The following NRG3 variants were observed in gnomAD, a reference collection of about 807,000 sequenced individuals.
The protein encoded by NRG3 is neuregulin 3.
A neutral mutation model predicts 66.9 loss-of-function variants in NRG3; 31 were observed. That is an observed-to-expected ratio of 0.46 (90% CI 0.35 to 0.63). NRG3 has a LOEUF of 0.63. Ranked by LOEUF, NRG3 falls within the 20% of genes least tolerant of loss-of-function variation. NRG3 has a pLI of 0.00. For missense variants in NRG3, 910 were observed against 878.9 expected (o/e 1.04, Z -0.45); for synonymous variants, 393 against 359.4 (o/e 1.09, Z -1.06).
intron 1 of NRG3, among the ~76,000 whole-genome samples, chr10:81,949,244 C>G (rs1849114745): frequency 6.6e-6 from 1 of 152,070 alleles, no homozygotes; most frequent in Non-Finnish European, 1.5e-5. Flanking sequence ...ACCCAAGGCC[C>G]TCAGGTAAAC....
At position 81,978,912 on chromosome 10, in the gene NRG3, C is replaced by T. The variant is rs907776993; in HGVS notation, c.823+102749C>T. 6.6e-5 allele frequency among the ~76,000 whole-genome samples: 10 copies of T among 152,026 alleles called. No homozygotes were observed. In the South Asian group the frequency reaches 1.0e-3, roughly 16 times the overall value. Reference sequence around the variant, plus strand: ...AATGTATTTTTAAAAATTTCCTGGCCGGGCGTGGTGGCTCATGCCTGTAAT... The same window carrying T: ...AATGTATTTTTAAAAATTTCCTGGCTGGGCGTGGTGGCTCATGCCTGTAAT... On this transcript the variant is annotated intron_variant, in intron 1 of 8. Coordinates refer to ENST00000372141, the MANE Select transcript of NRG3 (RefSeq NM_001010848.4).
At chr10:82,846,918 A>C (rs994179209) in intron 3 of NRG3, among the ~76,000 whole-genome samples, 30 of 152,202 alleles carry the variant, frequency 2.0e-4, no homozygotes, top group Non-Finnish European at 2.2e-4. Context: ...GTTCAGCTGC[A>C]AGAGCCAGAA....
chr10:81,915,106 A>T (rs2132799037), intron 1 of NRG3, among the ~76,000 whole-genome samples: 1 of 152,294 alleles, frequency 6.6e-6, no homozygotes, highest in African/African-American at 2.4e-5. Context: ...TCATTAAGGG[A>T]CTATTCTCTT....
At chr10:82,037,422 T>C (rs1468000881) in intron 1 of NRG3, among the ~76,000 whole-genome samples, 1 of 152,166 alleles carries the variant, frequency 6.6e-6, no homozygotes, top group African/African-American at 2.4e-5. Flanking sequence ...AACTGCATTG[T>C]CTCTGGTGTA....
rs1457438642 is a variant in NRG3, at chr10:82,037,092, G to A, written c.823+160929G>A. 3.3e-5 allele frequency among the ~76,000 whole-genome samples: 5 copies of A among 152,244 alleles called. No homozygotes were observed. The East Asian group carries it at 9.7e-4, about 30-fold the overall frequency. ...AAGATGACAGTGCCCCTCTGAGTCA[G>A]GCAGGGTATATTTTAAGTCACAGTT... On this transcript the variant is annotated intron_variant, in intron 1 of 8. Transcript: ENST00000372141.
chr10:82,835,259 T>C (rs988522508), intron 3 of NRG3, among the ~76,000 whole-genome samples: 2 of 152,152 alleles, frequency 1.3e-5, no homozygotes, highest in African/African-American at 4.8e-5. Flanking sequence ...GCTTTTATAA[T>C]GGCCACACTC....
At chr10:82,066,629 A>G (rs2064485603) in intron 1 of NRG3, among the ~76,000 whole-genome samples, 1 of 152,158 alleles carries the variant, frequency 6.6e-6, no homozygotes, top group African/African-American at 2.4e-5. Context: ...AAAATTCTAT[A>G]AGATCCATGT....
Position 82,985,429 on chromosome 10 carries a change from C to T in NRG3, c.1915C>T (p.Arg639Ter), listed in dbSNP as rs202021683. Residue 639 changes from arginine to a stop codon, truncating the protein, a stop_gained, in exon 9 of 9, where the codon CGA (arginine) becomes TGA (stop). Transcript: ENST00000372141. LOFTEE classifies it high-confidence loss of function. Reference protein sequence around the residue: ...ILLETVQEQIRILTDARRSED... With the variant: ...ILLETVQEQI ...GCTAGAAACTGTCCAGGAGCAGATC[C>T]GAATTCTGACTGATGCCAGACGGTC... is the stretch of plus-strand genomic sequence containing the variant. 15 of 1,613,962 alleles carry T rather than the reference C, an allele frequency of 9.3e-6. No individual in the cohort carries two copies. Among genetic ancestry groups the T allele is most frequent in the South Asian group, 6.6e-5 (6 of 91,072 alleles).
intron 3 of NRG3, among the ~76,000 whole-genome samples, chr10:82,839,703 A>G (rs1591682699): frequency 6.6e-6 from 1 of 151,888 alleles, no homozygotes; most frequent in Non-Finnish European, 1.5e-5. Flanking sequence ...TGATTATTTT[A>G]AAATGTAACG....
At chr10:82,347,370 A>C (rs1177731934) in intron 1 of NRG3, among the ~76,000 whole-genome samples, 1 of 151,920 alleles carries the variant, frequency 6.6e-6, no homozygotes, top group African/African-American at 2.4e-5. Context: ...CATGAAGTTG[A>C]GTGGTTTTGA....
chr10:82,108,705 A>G (rs913110162), intron 1 of NRG3, among the ~76,000 whole-genome samples: 1 of 152,210 alleles, frequency 6.6e-6, no homozygotes, highest in Non-Finnish European at 1.5e-5. Context: ...CAGTAGTAGT[A>G]TTAGCAGCAA....
intron 1 of NRG3, among the ~76,000 whole-genome samples, chr10:82,020,586 A>G (rs1220568828): frequency 6.6e-6 from 1 of 152,154 alleles, no homozygotes; most frequent in Non-Finnish European, 1.5e-5. Flanking sequence ...ACCAGATTTC[A>G]AAGACTTTCA....
chr10:82,825,917 T>C (rs2062183673), intron 3 of NRG3, among the ~76,000 whole-genome samples: 2 of 152,186 alleles, frequency 1.3e-5, no homozygotes, highest in Non-Finnish European at 2.9e-5. Context: ...TTTCTGCTTA[T>C]TTATTTAAAA....
intron 2 of NRG3, among the ~76,000 whole-genome samples, chr10:82,396,180 G>A (rs544511321): frequency 1.3e-4 from 20 of 152,212 alleles, no homozygotes; most frequent in African/African-American, 4.6e-4. Flanking sequence ...ATCCCCAAGA[G>A]TTTTCTTAAT....
chr10:82,864,825 G>A (rs933054287), intron 3 of NRG3, among the ~76,000 whole-genome samples: 1 of 152,186 alleles, frequency 6.6e-6, no homozygotes, highest in East Asian at 1.9e-4. Context: ...TGCCCTGGAA[G>A]TGTCTCAGAT....
In NRG3 at chr10:81,876,130, A is replaced by G; in HGVS notation, c.790A>G (p.Thr264Ala). The G allele has an allele frequency of 1.2e-6, 2 of 1,601,668 alleles. No individual in the cohort carries two copies. The highest frequency in any genetic ancestry group is 3.5e-5 in the Admixed American group (2 of 57,904). Residue 264 changes from threonine (T) to alanine (A), a missense_variant, in exon 1 of 9, where the codon ACC (threonine) becomes GCC (alanine). Physicochemically the swap from Thr to Ala is moderately conservative, Grantham distance 58. Coordinates refer to ENST00000372141, the MANE Select transcript of NRG3 (RefSeq NM_001010848.4). The stretch of plus-strand genomic sequence containing the variant: ...CTCTTCTTCCTCCTCCGCTACCACC[A>G]CCACACCAGAAACTAGCACCAGCCC... ...SSSSSSSATT[T>A]TPETSTSPKF...
intron 2 of NRG3, among the ~76,000 whole-genome samples, chr10:82,614,332 T>G (rs540915633): frequency 1.3e-5 from 2 of 152,346 alleles, no homozygotes; most frequent in South Asian, 4.1e-4. Flanking sequence ...TTGACATGGT[T>G]ATGCTCTGTT....
intron 1 of NRG3, among the ~76,000 whole-genome samples, chr10:81,912,930 C>G (rs1485683108): frequency 6.6e-6 from 1 of 152,222 alleles, no homozygotes; most frequent in Admixed American, 6.5e-5. Context: ...GGTCAACATT[C>G]TAAAAGCGGT....
intron 2 of NRG3, among the ~76,000 whole-genome samples, chr10:82,476,456 G>A (rs1841792676): frequency 6.6e-6 from 1 of 152,164 alleles, no homozygotes; most frequent in Non-Finnish European, 1.5e-5. Context: ...GTCAATCCAA[G>A]AGTCCTTTGA....
Sources: gnomAD v4.1 joint callset for allele counts (sites outside exome capture counted in the v4.1 genomes callset) on GRCh38, gnomAD v4.1.1 for gene constraint, MANE v1.5 for transcripts, NCBI Gene and HGNC (gene_info 2026-07-23, HGNC 2026-07-21) for gene names.